Variants in RAB31 observed in about 807,000 individuals in gnomAD.
RAB31 encodes ras-related protein Rab-31.
Under a neutral mutation model 25.6 loss-of-function variants are expected in RAB31, and 21 were observed. The observed-to-expected ratio is 0.82, with a 90% CI of 0.58 to 1.18. The LOEUF (loss-of-function observed/expected upper bound fraction) is 1.18, where lower values mean the gene tolerates loss of function less well. RAB31 is among the 50% of genes most tolerant of loss of function. The pLI is 0.00. For missense variants in RAB31, 196 were observed against 250.1 expected (o/e 0.78, Z 1.46); for synonymous variants, 87 against 84.0 (o/e 1.04, Z -0.20).
chr18:9,851,091 G>C (rs917103133), intron 6 of RAB31, among the ~76,000 whole-genome samples: 1 of 152,146 alleles, frequency 6.6e-6, no homozygotes, highest in Non-Finnish European at 1.5e-5. Flanking sequence ...AAGGTTTGCA[G>C]ATTTTATAAT....
chr18:9,777,726 T>C (rs1297351785), intron 2 of RAB31, among the ~76,000 whole-genome samples: 1 of 151,752 alleles, frequency 6.6e-6, no homozygotes, highest in African/African-American at 2.4e-5. Flanking sequence ...TTAAAAATTT[T>C]TTTAAAATAA....
At chr18:9,804,942 A>T (rs1035591532) in intron 3 of RAB31, among the ~76,000 whole-genome samples, 1 of 152,172 alleles carries the variant, frequency 6.6e-6, no homozygotes, top group Non-Finnish European at 1.5e-5. Context: ...AACAACACAG[A>T]TAGACTCCCT....
At chr18:9,714,432 G>A (rs1411155286) in intron 1 of RAB31, among the ~76,000 whole-genome samples, 1 of 152,246 alleles carries the variant, frequency 6.6e-6, no homozygotes, top group Admixed American at 6.5e-5. Flanking sequence ...GCAGAGCTCA[G>A]CTGGTAATGC....
At chr18:9,858,530 A>G (rs1201734342) in intron 6 of RAB31, among the ~76,000 whole-genome samples, 1 of 152,192 alleles carries the variant, frequency 6.6e-6, no homozygotes, top group East Asian at 1.9e-4. Flanking sequence ...TTTAGCTGTC[A>G]TCTCCCTGGC....
chr18:9,851,915 TATC>T (rs911560898), intron 6 of RAB31, among the ~76,000 whole-genome samples: 11 of 151,436 alleles, frequency 7.3e-5, no homozygotes, highest in African/African-American at 1.9e-4. Context: ...TATATTTCAA[TATC>T]ATATTTCATA....
intron 5 of RAB31, among the ~76,000 whole-genome samples, chr18:9,831,080 G>A (rs911834779): frequency 6.6e-6 from 1 of 152,074 alleles, no homozygotes; most frequent in South Asian, 2.1e-4. Context: ...ACTTAATTAC[G>A]ATACCTTTAT....
At chr18:9,753,312 A>C (rs540770548) in intron 1 of RAB31, among the ~76,000 whole-genome samples, 2 of 152,094 alleles carry the variant, frequency 1.3e-5, no homozygotes, top group African/African-American at 4.8e-5. Context: ...CCATGACAGG[A>C]GTGGTATTAA....
rs531662873 is a variant in RAB31 at position 9,777,522 on chromosome 18, A to G, written c.119+2165A>G. 3.3e-4 allele frequency among the ~76,000 whole-genome samples: 50 copies of G among 152,238 alleles called. 1 individual carries two copies. The South Asian group carries it at 8.9e-3, about 27-fold the overall frequency. ...ACATAGGCGCGCTTGTATGATAGGT[A>G]TACTTTTTATGGAAGAAATTGGTTT... On this transcript the variant is annotated intron_variant, in intron 2 of 6. Coordinates refer to ENST00000578921, the MANE Select transcript of RAB31 (RefSeq NM_006868.4).
chr18:9,715,529 T>TC (rs201076904), intron 1 of RAB31, among the ~76,000 whole-genome samples: 7,199 of 86,382 alleles, frequency 0.083, 160 homozygotes, highest in Middle Eastern at 0.14. Context: ...TCTCTCTCTC[T>TC]TTTTTTTTTT....
chr18:9,827,886 T>G (rs2143102421), intron 5 of RAB31, among the ~76,000 whole-genome samples: 1 of 151,672 alleles, frequency 6.6e-6, no homozygotes, highest in African/African-American at 2.4e-5. Context: ...AGAAAGGGGG[T>G]GGGGAAGTAT....
chr18:9,801,174 G>A (rs924367380), intron 3 of RAB31, among the ~76,000 whole-genome samples: 1 of 152,092 alleles, frequency 6.6e-6, no homozygotes, highest in Non-Finnish European at 1.5e-5. Context: ...CCATTGTCTG[G>A]ATAGACCACA....
At chr18:9,772,609 G>A (rs751059716) in intron 1 of RAB31, among the ~76,000 whole-genome samples, 6 of 152,218 alleles carry the variant, frequency 3.9e-5, no homozygotes, top group Non-Finnish European at 2.9e-5. Context: ...GTGAATGAAC[G>A]ATTGAATGGA....
intron 2 of RAB31, among the ~76,000 whole-genome samples, chr18:9,776,796 A>G (rs561274759): frequency 1.3e-4 from 20 of 152,276 alleles, no homozygotes; most frequent in African/African-American, 4.6e-4. Context: ...AGTCTTCTAC[A>G]TGGGGCAGTG....
At chr18:9,744,240 A>G (rs2068194244) in intron 1 of RAB31, among the ~76,000 whole-genome samples, 1 of 152,170 alleles carries the variant, frequency 6.6e-6, no homozygotes, top group Non-Finnish European at 1.5e-5. Flanking sequence ...GATCCATTTC[A>G]TACCTCCGTA....
At chr18:9,727,904 T>G (rs1427607432) in intron 1 of RAB31, among the ~76,000 whole-genome samples, 1 of 152,234 alleles carries the variant, frequency 6.6e-6, no homozygotes, top group Admixed American at 6.5e-5. Flanking sequence ...ATTCATTATC[T>G]CACATAGTTA....
chr18:9,850,487 G>A (rs895440167), intron 6 of RAB31, among the ~76,000 whole-genome samples: 3 of 152,096 alleles, frequency 2.0e-5, no homozygotes, highest in Non-Finnish European at 4.4e-5. Context: ...CTTTTCCTGA[G>A]GGCAAAGAGA....
intron 3 of RAB31, among the ~76,000 whole-genome samples, chr18:9,807,424 C>T (rs1052755654): frequency 1.3e-5 from 2 of 151,814 alleles, no homozygotes; most frequent in African/African-American, 4.8e-5. Context: ...CCTGGCTTTC[C>T]CCGCAAATGC....
At chr18:9,735,223 A>G (rs4798836) in intron 1 of RAB31, 146,027 of 155,864 alleles carry the variant, frequency 0.94, 68,489 homozygotes, top group African/African-American at 0.96. Flanking sequence ...TCACCATGTT[A>G]GCCAGGCTGG....
At chr18:9,760,277 G>T (rs1031557) in intron 1 of RAB31, among the ~76,000 whole-genome samples, 1 of 151,534 alleles carries the variant, frequency 6.6e-6, no homozygotes, top group Admixed American at 6.6e-5. Flanking sequence ...AGCCTCAAGC[G>T]ATCCTCCTAC....
Sources: allele counts gnomAD v4.1 joint callset (sites outside exome capture counted in the v4.1 genomes callset), GRCh38; gene constraint gnomAD v4.1.1; transcripts MANE v1.5; gene names NCBI Gene and HGNC (gene_info 2026-07-23, HGNC 2026-07-21).